OVOL1: variants seen among roughly 807,000 people sequenced by gnomAD.
OVOL1 encodes the protein ovo like transcriptional repressor 1.
In OVOL1, 10 loss-of-function variants were observed where a neutral mutation model predicts 21.5. The observed-to-expected ratio is 0.46, with a 90% confidence interval of 0.29 to 0.79. The LOEUF (loss-of-function observed/expected upper bound fraction) is 0.79. Among genes scored for constraint, OVOL1 ranks in the 30% least tolerant of loss-of-function variants. The probability of loss-of-function intolerance (pLI) is 0.10; values close to 1 mark genes in which losing one functional copy is unlikely to be tolerated. For synonymous variants in OVOL1, 129 were observed against 150.3 expected (o/e 0.86, Z 1.03); for missense variants, 279 against 362.3 (o/e 0.77, Z 1.87).
At chr11:65,791,120 A>G (rs1858007977) in intron 1 of OVOL1, among the ~76,000 whole-genome samples, 1 of 152,226 alleles carries the variant, frequency 6.6e-6, no homozygotes, top group Non-Finnish European at 1.5e-5. Flanking sequence ...GTTGGGAAAG[A>G]GGGAAAATAC....
At chr11:65,792,291 G>C (rs970982882) in intron 1 of OVOL1, 1 of 152,488 alleles carries the variant, frequency 6.6e-6, no homozygotes, top group Non-Finnish European at 1.5e-5. Flanking sequence ...TCCCTCACCT[G>C]CTGTCTCCTG....
intron 1 of OVOL1, among the ~76,000 whole-genome samples, chr11:65,791,903 G>A (rs899933331): frequency 3.3e-5 from 5 of 152,254 alleles, no homozygotes; most frequent in African/African-American, 1.2e-4. Context: ...GCGACACTCA[G>A]TGCCAGGTGG....
At chr11:65,792,921 G>A (rs956306121) in intron 1 of OVOL1, among the ~76,000 whole-genome samples, 17 of 152,200 alleles carry the variant, frequency 1.1e-4, no homozygotes, top group African/African-American at 3.6e-4. Context: ...CTGTCTCGCC[G>A]GCTGTGGGAT....
chr11:65,787,644 G>T (rs532528534), intron 1 of OVOL1, among the ~76,000 whole-genome samples, 171 bp downstream of exon 1: 6 of 151,814 alleles, frequency 4.0e-5, no homozygotes, highest in Admixed American at 1.3e-4. Context: ...CCCGGGACTC[G>T]GGGGGCGGGG....
In OVOL1 at chr11:65,794,603, C is replaced by T. The variant is rs1327818720; in HGVS notation, c.384C>T (p.Thr128=). The change falls in exon 3 of 4, where the codon ACC becomes ACT. Residue 128 remains threonine (T), a synonymous_variant. Transcript: ENST00000335987. ...GCCGTGTCTGCCAGAAGGCCTTCAC[C>T]TACCAGCGCATGCTGAACCGCCACA... is the stretch of plus-strand genomic sequence containing the variant. ...FTCRVCQKAF[T]YQRMLNRHMK... 1 of 1,613,402 alleles carries T rather than the reference C, an allele frequency of 6.2e-7. No homozygotes were observed. Among genetic ancestry groups the T allele is most frequent in the African/African-American group, 1.3e-5 (1 of 74,942 alleles).
intron 1 of OVOL1, among the ~76,000 whole-genome samples, chr11:65,792,011 A>G (rs1858029741): frequency 6.6e-6 from 1 of 152,178 alleles, no homozygotes; most frequent in Admixed American, 6.5e-5. Context: ...GGATGAGGCA[A>G]ACATCCCCAC....
At chr11:65,793,029 TTCCTTCTG>T (rs1279542892) in intron 1 of OVOL1, among the ~76,000 whole-genome samples, 5 of 152,260 alleles carry the variant, frequency 3.3e-5, no homozygotes, top group Non-Finnish European at 7.3e-5. Flanking sequence ...CTCGTGATTT[TTCCTTCTG>T]AAGCTTGGAA....
Position 65,795,329 on chromosome 11 carries a change from C to T in OVOL1, c.792C>T (p.Ser264=), listed in dbSNP as rs748458725. The change falls in exon 4 of 4, where the codon AGC becomes AGT. Residue 264 remains serine (S), a synonymous_variant. Coordinates refer to ENST00000335987, the MANE Select transcript of OVOL1 (RefSeq NM_004561.4). The surrounding 1 kb of genome is among the most constrained non-coding windows in gnomAD (Gnocchi z 5.7). ...QNTVTSLLQG[S]PHL is the part of the protein sequence containing the mutation. ...CTGTCACTTCCCTGCTGCAGGGCAG[C>T]CCCCACCTGTGAGTGGCTCGAGCCC... 6 of 1,600,834 alleles carry T rather than the reference C, an allele frequency of 3.7e-6. No homozygotes were observed. The African/African-American group carries it at 6.7e-5, about 18-fold the overall frequency.
At chr11:65,787,655 G>A (rs1857931035) in intron 1 of OVOL1, among the ~76,000 whole-genome samples, 182 bp downstream of exon 1, 1 of 151,458 alleles carries the variant, frequency 6.6e-6, no homozygotes, top group Non-Finnish European at 1.5e-5. Flanking sequence ...GGGGGCGGGG[G>A]CGGGGCCGGC....
intron 2 of OVOL1, 36 bp downstream of exon 2, chr11:65,794,284 C>A (rs370523147): frequency 6.4e-7 from 1 of 1,555,904 alleles, no homozygotes; most frequent in Admixed American, 1.7e-5. Flanking sequence ...GGGCCGGGGG[C>A]GTGCATGTAG....
Position 65,794,149 on chromosome 11 carries a change from CCCCGGG to C in OVOL1, c.223_228del (p.Gly75_Pro76del). 6.2e-7 allele frequency: 1 copy of C among 1,613,822 alleles called. No homozygotes were observed. On this transcript the variant is annotated inframe_deletion, in exon 2 of 4. Coordinates refer to ENST00000335987, the MANE Select transcript of OVOL1 (RefSeq NM_004561.4). ...TTCGAGACTCTAGCTACAGCATGGCCCCCGGGCCCTGTGTGGTGGCCCAGCTGCCCT... is the reference window on the plus strand; with the variant it reads ...TTCGAGACTCTAGCTACAGCATGGCCCCCTGTGTGGTGGCCCAGCTGCCCT...
chr11:65,787,645 G>C (rs1857930852), intron 1 of OVOL1, among the ~76,000 whole-genome samples, 172 bp downstream of exon 1: 1 of 151,632 alleles, frequency 6.6e-6, no homozygotes, highest in Non-Finnish European at 1.5e-5. Context: ...CCGGGACTCG[G>C]GGGGCGGGGG....
rs997129986 is a variant in OVOL1, at chr11:65,794,252, A to G, written c.318+4A>G. ...CTTCCTGCGCACCAAGATGAAGGTA[A>G]TGCCACTCGCGCTGTCTCCGAGGGC... On this transcript the variant is annotated splice_donor_region_variant and intron_variant, in intron 2 of 3. Transcript: ENST00000335987. 1.2e-6 allele frequency: 2 copies of G among 1,611,396 alleles called. No homozygotes were observed. The highest frequency in any genetic ancestry group is 1.3e-5 in the African/African-American group (1 of 74,894).
At chr11:65,794,000 C>A (rs750176791) in intron 1 of OVOL1, 31 bp from the exon 2 acceptor site, 1 of 1,582,916 alleles carries the variant, frequency 6.3e-7, no homozygotes, top group Non-Finnish European at 8.7e-7. Flanking sequence ...TCTTCTCCAC[C>A]AAGCCTCTCA....
At chr11:65,787,897 G>A (rs1212479515) in intron 1 of OVOL1, among the ~76,000 whole-genome samples, 1 of 152,216 alleles carries the variant, frequency 6.6e-6, no homozygotes, top group African/African-American at 2.4e-5. Context: ...CGGGGAGCGG[G>A]CTGGAGTTTC....
Position 65,794,781 on chromosome 11 carries a change from C to T in OVOL1, c.508+54C>T, listed in dbSNP as rs566518842. The T allele has an allele frequency of 4.0e-5, 63 of 1,571,742 alleles. No homozygotes were observed. The South Asian group carries it at 5.5e-4, about 14-fold the overall frequency. On this transcript the variant is annotated intron_variant, in intron 3 of 3. Coordinates refer to ENST00000335987, the MANE Select transcript of OVOL1 (RefSeq NM_004561.4). ...CACGCCGGATCCGCCTGGCCGCGGC[C>T]GTGCGGGAAAAGTCCAGCACCCCCT...
chr11:65,788,351 T>G (rs1166962178), intron 1 of OVOL1: 2 of 455,206 alleles, frequency 4.4e-6, no homozygotes, highest in African/African-American at 4.2e-5. Flanking sequence ...CTACCCCTTC[T>G]GTCCTCCCCC....
chr11:65,789,656 C>A (rs559921812), intron 1 of OVOL1: 1 of 985,312 alleles, frequency 1.0e-6, no homozygotes, highest in South Asian at 4.7e-5. Flanking sequence ...GACCCCAGAG[C>A]CAGCTGGGCA....
At position 65,787,451 on chromosome 11, in the gene OVOL1, G is replaced by C; in HGVS notation, c.78G>C (p.Glu26Asp). 1.9e-6 allele frequency: 3 copies of C among 1,583,890 alleles called. No homozygotes were observed. The highest frequency in any genetic ancestry group is 8.6e-7 in the Non-Finnish European group (1 of 1,165,466). The change falls in exon 1 of 4, where the codon GAG (glutamate) becomes GAC (aspartate). Residue 26 changes from glutamate (E) to aspartate (D), a missense_variant. Physicochemically the swap from Glu to Asp is conservative, Grantham distance 45. Transcript: ENST00000335987. The stretch of plus-strand genomic sequence containing the variant: ...ACTGGAGCGAGCTCCCCGACGAGGA[G>C]CGCGGCGAGATCTACGTGCCAGGTG... ...KRNWSELPDE[E>D]RGEIYVPVSL...
Sources: allele counts gnomAD v4.1 joint callset (sites outside exome capture counted in the v4.1 genomes callset), GRCh38; gene constraint gnomAD v4.1.1; non-coding constraint Gnocchi (gnomAD v3.1); transcripts MANE v1.5; gene names NCBI Gene and HGNC (gene_info 2026-07-23, HGNC 2026-07-21).